The following NBEA variants were observed in gnomAD, a reference collection of about 807,000 sequenced individuals.
NBEA encodes the protein lysosomal-trafficking regulator 2.
In NBEA, 44 loss-of-function variants were observed where a neutral mutation model predicts 343.4. The observed-to-expected ratio is 0.13, with a 90% CI of 0.10 to 0.16. The LOEUF (loss-of-function observed/expected upper bound fraction) is 0.16, where lower values mean the gene tolerates loss of function less well. NBEA is among the 10% of genes least tolerant of loss of function. NBEA has a pLI of 1.00. For missense variants in NBEA, 2,555 were observed against 3,631.3 expected (o/e 0.70, Z 7.62); for synonymous variants, 1,175 against 1,238.7 (o/e 0.95, Z 1.08).
intron 38 of NBEA, among the ~76,000 whole-genome samples, chr13:35,380,537 AT>A (rs1485092748): frequency 6.6e-6 from 1 of 152,126 alleles, no homozygotes; most frequent in Non-Finnish European, 1.5e-5. Context: ...GGTGTTAGAT[AT>A]TTTTTGAAGC....
intron 55 of NBEA, among the ~76,000 whole-genome samples, chr13:35,658,102 C>T (rs2084905601): frequency 6.6e-6 from 1 of 151,916 alleles, no homozygotes; most frequent in South Asian, 2.1e-4. Context: ...ACAACAGGAG[C>T]TGTGTAAATA....
intron 1 of NBEA, among the ~76,000 whole-genome samples, chr13:34,950,908 C>T (rs2059330452): frequency 6.6e-6 from 1 of 151,956 alleles, no homozygotes; most frequent in African/African-American, 2.4e-5. Flanking sequence ...AAGCAACAAC[C>T]CTGGAGGTTG....
At position 35,672,142 on chromosome 13, in the gene NBEA, A is replaced by G. The variant is rs1355002212; in HGVS notation, c.*1151A>G. The G allele has an allele frequency of 6.6e-6, 1 of 152,664 alleles. No homozygotes were observed. Among genetic ancestry groups the G allele is most frequent in the African/African-American group, 2.4e-5 (1 of 41,458 alleles). 9.5% of individuals were successfully genotyped at this position (152,664 alleles called of 1,614,324 possible). Reference sequence around the variant, plus strand: ...AATGATGGCTATCAAATGATTTTCCATACATTGTACTGATCAAGTTATACA... The same window carrying G: ...AATGATGGCTATCAAATGATTTTCCGTACATTGTACTGATCAAGTTATACA... On this transcript the variant is annotated 3_prime_UTR_variant, in exon 59 of 59. Transcript: ENST00000379939.
chr13:35,058,721 A>G lies in NBEA; in HGVS notation c.1097A>G (p.Tyr366Cys). 1 of 1,574,916 alleles carries G rather than the reference A, an allele frequency of 6.3e-7. No individual in the cohort carries two copies. Among genetic ancestry groups the G allele is most frequent in the Non-Finnish European group, 8.6e-7 (1 of 1,158,670 alleles). Residue 366 changes from tyrosine (Y) to cysteine (C), a missense_variant, in exon 8 of 59, where the codon TAT (tyrosine) becomes TGT (cysteine). Transcript: ENST00000379939. ...CTTTATTACTTTTAAAAATAGAGCTATGACAAGTGCTTTCTTGGATCATCA... is the reference window on the plus strand; with the variant it reads ...CTTTATTACTTTTAAAAATAGAGCTGTGACAAGTGCTTTCTTGGATCATCA... Reference protein sequence around the residue: ...MAWHVNTNDSYDKCFLGSSET... With the variant: ...MAWHVNTNDSCDKCFLGSSET...
intron 34 of NBEA, among the ~76,000 whole-genome samples, chr13:35,283,525 A>G (rs984787817): frequency 9.9e-5 from 15 of 152,264 alleles, no homozygotes; most frequent in Admixed American, 3.9e-4. Flanking sequence ...TTCTTTATCA[A>G]TCTTCGAAAA....
intron 1 of NBEA, among the ~76,000 whole-genome samples, chr13:35,022,502 T>C (rs1259708546): frequency 6.6e-6 from 1 of 152,134 alleles, no homozygotes; most frequent in Non-Finnish European, 1.5e-5. Flanking sequence ...GTTTCTTAGC[T>C]GGGGTACAGG....
intron 35 of NBEA, among the ~76,000 whole-genome samples, chr13:35,291,150 A>G (rs575433007): frequency 6.6e-6 from 1 of 152,024 alleles, no homozygotes; most frequent in East Asian, 1.9e-4. Context: ...CCTGATTATC[A>G]TATTAGTGTT....
chr13:35,365,675 T>C (rs2041062439), intron 38 of NBEA, among the ~76,000 whole-genome samples: 1 of 151,678 alleles, frequency 6.6e-6, no homozygotes, highest in African/African-American at 2.4e-5. Context: ...TAGATATTTT[T>C]ATTTATATAT....
At chr13:35,276,379 T>C (rs963136301) in intron 34 of NBEA, among the ~76,000 whole-genome samples, 1 of 152,150 alleles carries the variant, frequency 6.6e-6, no homozygotes, top group Non-Finnish European at 1.5e-5. Flanking sequence ...TCAAGACATT[T>C]GGGTGCTTAA....
At chr13:35,456,510 A>T (rs1056506243) in intron 40 of NBEA, among the ~76,000 whole-genome samples, 1 of 152,080 alleles carries the variant, frequency 6.6e-6, no homozygotes, top group Non-Finnish European at 1.5e-5. Flanking sequence ...ATTTCAATTT[A>T]CTAATTTTAT....
intron 41 of NBEA, among the ~76,000 whole-genome samples, chr13:35,521,534 G>A (rs976735291): frequency 6.6e-6 from 1 of 152,184 alleles, no homozygotes; most frequent in Non-Finnish European, 1.5e-5. Flanking sequence ...CATTTGTCTG[G>A]ATGTCTCCCC....
At chr13:35,578,129 T>C (rs1777667) in intron 45 of NBEA, among the ~76,000 whole-genome samples, 144,311 of 152,258 alleles carry the variant, frequency 0.95, 68,895 homozygotes, top group East Asian at 1. Flanking sequence ...TAAAAGCTAT[T>C]GTTAGAAGCC....
chr13:35,485,075 T>C (rs1456472862), intron 41 of NBEA, among the ~76,000 whole-genome samples: 1 of 152,132 alleles, frequency 6.6e-6, no homozygotes, highest in Non-Finnish European at 1.5e-5. Flanking sequence ...GATTTTGATT[T>C]TGAACTTTTG....
At chr13:35,073,623 T>G (rs2063976177) in intron 10 of NBEA, among the ~76,000 whole-genome samples, 2 of 152,108 alleles carry the variant, frequency 1.3e-5, no homozygotes, top group South Asian at 4.1e-4. Flanking sequence ...GAGTTTTTAC[T>G]TTATATAGGG....
chr13:35,398,088 C>T (rs916747815), intron 38 of NBEA, among the ~76,000 whole-genome samples: 3 of 152,116 alleles, frequency 2.0e-5, no homozygotes, highest in Non-Finnish European at 4.4e-5. Context: ...ATTCTGAATG[C>T]TTTGTTGTCA....
intron 38 of NBEA, among the ~76,000 whole-genome samples, chr13:35,424,792 C>A (rs769549677): frequency 9.2e-5 from 14 of 151,664 alleles, no homozygotes; most frequent in Non-Finnish European, 1.9e-4. Flanking sequence ...ACTTTTTTTT[C>A]GTTGGTAAGC....
At chr13:35,164,280 C>T in intron 23 of NBEA, 76 bp from the exon 24 acceptor site, 3 of 1,283,806 alleles carry the variant, frequency 2.3e-6, no homozygotes, top group African/African-American at 1.5e-5. Flanking sequence ...TATAATTTTT[C>T]ACTTGTTATT....
chr13:35,606,564 C>T lies in NBEA; in HGVS notation c.7435C>T (p.Arg2479Trp), dbSNP rs775831850. 8 of 1,601,132 alleles carry T rather than the reference C, an allele frequency of 5.0e-6. No individual in the cohort carries two copies. The highest frequency in any genetic ancestry group is 1.7e-5 in the Admixed American group (1 of 59,306). The part of the protein sequence containing the change: ...PWAKKPEDFV[R>W]INRMALESEF... ...GGCAAAAAAACCTGAAGACTTTGTG[C>T]GGATCAACAGGATGGTAAGAGAGAT... Residue 2479 changes from arginine to tryptophan, a missense_variant, in exon 48 of 59, where the codon CGG (arginine) becomes TGG (tryptophan). This residue lies in a region of NBEA where 156 missense variants were observed against 185.8 expected (regional missense o/e 0.84). Coordinates refer to ENST00000379939, the MANE Select transcript of NBEA (RefSeq NM_001385012.1).
chr13:35,479,978 A>G (rs2076054135), intron 41 of NBEA, among the ~76,000 whole-genome samples: 1 of 151,898 alleles, frequency 6.6e-6, no homozygotes, highest in Non-Finnish European at 1.5e-5. Flanking sequence ...AATGGTATTT[A>G]GAATTTTAAT....
Sources: allele counts gnomAD v4.1 joint callset (sites outside exome capture counted in the v4.1 genomes callset), GRCh38; gene constraint gnomAD v4.1.1; regional missense constraint gnomAD v4.1.1; transcripts MANE v1.5; gene names NCBI Gene and HGNC (gene_info 2026-07-23, HGNC 2026-07-21).